ZNF664: variants seen among roughly 807,000 people sequenced by gnomAD.
ZNF664 encodes the protein zinc finger protein 664, also known as zinc finger Organ of Corti 1.
ZNF664 carries 10 observed loss-of-function variants against 18.2 expected under a neutral mutation model. That is an observed-to-expected ratio of 0.55 (90% confidence interval 0.34 to 0.93). ZNF664 has a LOEUF of 0.93. Among genes scored for constraint, ZNF664 ranks in the 40% least tolerant of loss-of-function variants. The probability of loss-of-function intolerance (pLI) is 0.02; values close to 1 mark genes in which losing one functional copy is unlikely to be tolerated. For synonymous variants in ZNF664, 119 were observed against 104.2 expected, an observed-to-expected ratio of 1.14 and a Z score of -0.86; for missense variants, 193 against 319.0, an observed-to-expected ratio of 0.61 and a Z score of 3.01.
chr12:123,997,320 A>C, intron 3 of ZNF664, among the ~76,000 whole-genome samples: 1 of 152,186 alleles, frequency 6.6e-6, no homozygotes, highest in Admixed American at 6.5e-5. Flanking sequence ...TCCTCCTTGT[A>C]GTTTCCTTGG....
chr12:123,992,613 A>G (rs768838998), intron 3 of ZNF664, among the ~76,000 whole-genome samples: 1 of 152,186 alleles, frequency 6.6e-6, no homozygotes, highest in Admixed American at 6.5e-5. Flanking sequence ...AGCCACAGGT[A>G]AGGGAGCGTT....
chr12:124,010,943 A>G (rs1255937763), intron 3 of ZNF664, among the ~76,000 whole-genome samples: 3 of 152,162 alleles, frequency 2.0e-5, no homozygotes, highest in Non-Finnish European at 2.9e-5. Context: ...TTGAGAGCTG[A>G]AAAAGAAAGC....
At position 123,981,964 on chromosome 12, in the gene ZNF664, G is replaced by A. The variant is rs537555649; in HGVS notation, c.-756-6079G>A. ...GAATTATTTGAGACTGCATGACCTCGACTTCAGATAATACCATGATTGTCT... is the reference window on the plus strand; with the variant it reads ...GAATTATTTGAGACTGCATGACCTCAACTTCAGATAATACCATGATTGTCT... On this transcript the variant is annotated intron_variant, in intron 2 of 4. Coordinates refer to ENST00000337815, the MANE Select transcript of ZNF664 (RefSeq NM_152437.3). Among the ~76,000 whole-genome samples the A allele has an allele frequency of 3.3e-4, 51 of 152,276 alleles. No homozygotes were observed. In the East Asian group the frequency reaches 8.5e-3, roughly 25 times the overall value.
At chr12:123,976,064 A>G (rs1956687891) in intron 2 of ZNF664, among the ~76,000 whole-genome samples, 1 of 152,152 alleles carries the variant, frequency 6.6e-6, no homozygotes, top group Non-Finnish European at 1.5e-5. Context: ...TTTCTTTCAG[A>G]TATATATGAG....
intron 3 of ZNF664, among the ~76,000 whole-genome samples, chr12:123,997,293 A>G (rs1306670807): frequency 6.6e-6 from 1 of 152,160 alleles, no homozygotes; most frequent in East Asian, 1.9e-4. Flanking sequence ...GCAAAATTTC[A>G]CTGAGAGCAT....
chr12:124,012,414 C>T lies in ZNF664; in HGVS notation c.270C>T (p.Tyr90=), dbSNP rs200835492. The T allele has an allele frequency of 2.8e-5, 46 of 1,614,046 alleles. No individual in the cohort carries two copies. The highest frequency in any genetic ancestry group is 3.6e-5 in the Non-Finnish European group (42 of 1,180,042). The change falls in exon 5 of 5, where the codon TAC becomes TAT. Residue 90 remains tyrosine, a synonymous_variant. Transcript: ENST00000337815. ...IHTVEKPYKC[Y]ECGKAFNWSS... is the part of the protein sequence containing the mutation. ...CAGTGGAGAAGCCCTATAAATGTTA[C>T]GAGTGTGGCAAAGCCTTCAATTGGA... is the stretch of plus-strand genomic sequence containing the variant.
At chr12:124,005,652 T>C (rs956200351) in intron 3 of ZNF664, among the ~76,000 whole-genome samples, 1 of 152,188 alleles carries the variant, frequency 6.6e-6, no homozygotes, top group Admixed American at 6.5e-5. Flanking sequence ...AGTTCCCTCT[T>C]TGCTGTTCCC....
intron 3 of ZNF664, among the ~76,000 whole-genome samples, chr12:123,989,669 A>G (rs2138369803): frequency 6.6e-6 from 1 of 152,292 alleles, no homozygotes; most frequent in Admixed American, 6.5e-5. Context: ...TAGGGTACCT[A>G]GAAGTTAGGG....
intron 1 of ZNF664, 60 bp downstream of exon 1, chr12:123,973,412 G>T: frequency 1.1e-6 from 1 of 947,312 alleles, no homozygotes; most frequent in Non-Finnish European, 1.3e-6. Flanking sequence ...GGCGGGGGCC[G>T]GGGGCCAGGG....
chr12:123,988,178 GAATCCCCCT>G, intron 3 of ZNF664, 40 bp downstream of exon 3: 1 of 1,230,926 alleles, frequency 8.1e-7, no homozygotes, highest in African/African-American at 1.6e-5. Context: ...CCTAGATGGA[GAATCCCCCT>G]TGAGTATTTT....
chr12:123,994,862 C>T (rs1385531520), intron 3 of ZNF664, among the ~76,000 whole-genome samples: 1 of 152,118 alleles, frequency 6.6e-6, no homozygotes, highest in Non-Finnish European at 1.5e-5. Context: ...GGAGTGCCTA[C>T]CTAGATGAAC....
At chr12:123,973,388 C>A in intron 1 of ZNF664, 36 bp downstream of exon 1, 1 of 969,228 alleles carries the variant, frequency 1.0e-6, no homozygotes, top group Non-Finnish European at 1.2e-6. Flanking sequence ...GTCTTTCTTT[C>A]TTTCCCGGAG....
intron 2 of ZNF664, 145 bp downstream of exon 2, chr12:123,974,165 C>T: frequency 4.0e-6 from 2 of 496,584 alleles, no homozygotes; most frequent in East Asian, 3.5e-5. Context: ...ATTTTCCCGT[C>T]CGGATCCATC....
chr12:123,997,815 G>A (rs1400870991), intron 3 of ZNF664: 1 of 152,186 alleles, frequency 6.6e-6, no homozygotes, highest in African/African-American at 2.4e-5. Context: ...CAACATTGAC[G>A]AATTAGTGCC....
intron 2 of ZNF664, among the ~76,000 whole-genome samples, chr12:123,985,411 T>C (rs2138352760): frequency 6.6e-6 from 1 of 152,222 alleles, no homozygotes; most frequent in South Asian, 2.1e-4. Context: ...CAGGAGAGAG[T>C]AAATGTGACT....
intron 3 of ZNF664, among the ~76,000 whole-genome samples, chr12:123,996,089 A>G (rs769116117): frequency 3.3e-5 from 5 of 152,234 alleles, no homozygotes; most frequent in African/African-American, 4.8e-5. Flanking sequence ...CTTTCAGTTA[A>G]CAGTGTGCAT....
At chr12:124,001,564 G>A (rs1406288920) in intron 3 of ZNF664, among the ~76,000 whole-genome samples, 1 of 152,118 alleles carries the variant, frequency 6.6e-6, no homozygotes, top group Non-Finnish European at 1.5e-5. Flanking sequence ...ACCCTGCAGA[G>A]GCCTCCTCTA....
chr12:124,011,724 C>G lies in ZNF664; in HGVS notation c.-421C>G. ...GACCAGCCAGCAGTATCTCATCCTTCGATACAGGGGATATACTGTACAGTC... is the reference window on the plus strand; with the variant it reads ...GACCAGCCAGCAGTATCTCATCCTTGGATACAGGGGATATACTGTACAGTC... On this transcript the variant is annotated 5_prime_UTR_variant, in exon 5 of 5. Coordinates refer to ENST00000337815, the MANE Select transcript of ZNF664 (RefSeq NM_152437.3). 1 of 1,009,288 alleles carries G rather than the reference C, an allele frequency of 9.9e-7. No individual in the cohort carries two copies. The allele number at this position is 1,009,288 out of a possible 1,614,324, so 62.5% of individuals were successfully genotyped here. A position where few individuals can be genotyped will look rare whatever the true frequency, so the allele number is the denominator to read the frequency against.
chr12:123,982,601 A>G (rs891852921), intron 2 of ZNF664, among the ~76,000 whole-genome samples: 5 of 152,192 alleles, frequency 3.3e-5, no homozygotes, highest in Non-Finnish European at 7.3e-5. Context: ...CTAGAAGGAC[A>G]ATCTGATTGG....
Sources: allele counts gnomAD v4.1 joint callset (sites outside exome capture counted in the v4.1 genomes callset), GRCh38; gene constraint gnomAD v4.1.1; transcripts MANE v1.5; gene names NCBI Gene and HGNC (gene_info 2026-07-23, HGNC 2026-07-21).